NECAB1: variants seen among roughly 807,000 people sequenced by gnomAD.
NECAB1 encodes the protein N-terminal EF-hand calcium-binding protein 1.
Under a neutral mutation model 57.5 loss-of-function variants are expected in NECAB1, and 29 were observed. That is an observed-to-expected ratio of 0.50 (90% CI 0.38 to 0.69). NECAB1 has a LOEUF of 0.69. Among genes scored for constraint, NECAB1 ranks in the 30% least tolerant of loss-of-function variants. NECAB1 has a pLI of 0.00. For synonymous variants in NECAB1, 142 were observed against 147.7 expected, an observed-to-expected ratio of 0.96 and a Z score of 0.28; for missense variants, 372 against 413.8, an observed-to-expected ratio of 0.90 and a Z score of 0.88.
chr8:90,816,003 C>T (rs1563495200), intron 2 of NECAB1, among the ~76,000 whole-genome samples: 1 of 151,870 alleles, frequency 6.6e-6, no homozygotes, highest in Non-Finnish European at 1.5e-5. Context: ...TGCTTTTCTA[C>T]CAGTAATGAA....
intron 3 of NECAB1, among the ~76,000 whole-genome samples, chr8:90,857,131 A>G (rs1812808766): frequency 6.6e-6 from 1 of 152,108 alleles, no homozygotes; most frequent in East Asian, 1.9e-4. Context: ...GTGGAGGTTT[A>G]TTTAAAAAGG....
chr8:90,853,367 G>A (rs1245605504), intron 3 of NECAB1, among the ~76,000 whole-genome samples: 1 of 152,244 alleles, frequency 6.6e-6, no homozygotes, highest in Non-Finnish European at 1.5e-5. Flanking sequence ...AATGGGACAG[G>A]AAAATGTCCT....
At chr8:90,822,682 C>T (rs1812161505) in intron 2 of NECAB1, among the ~76,000 whole-genome samples, 2 of 151,692 alleles carry the variant, frequency 1.3e-5, no homozygotes, top group Non-Finnish European at 2.9e-5. Flanking sequence ...AGGGGCCCAC[C>T]CTATCCACAG....
intron 4 of NECAB1, among the ~76,000 whole-genome samples, chr8:90,875,889 A>C (rs1032324013): frequency 2.7e-5 from 4 of 149,196 alleles, no homozygotes; most frequent in Non-Finnish European, 4.4e-5. Context: ...AGGCGCCTGT[A>C]GTCCCAGCTA....
intron 4 of NECAB1, among the ~76,000 whole-genome samples, chr8:90,875,966 G>A (rs931096862): frequency 5.3e-5 from 8 of 152,026 alleles, no homozygotes; most frequent in Non-Finnish European, 2.9e-5. Flanking sequence ...GCTGAGATCA[G>A]GCCACTGCAC....
At chr8:90,872,222 T>C in intron 4 of NECAB1, 69 bp downstream of exon 4, 7 of 1,224,132 alleles carry the variant, frequency 5.7e-6, no homozygotes, top group Non-Finnish European at 8.0e-6. Flanking sequence ...TTGTCTGATA[T>C]ATATCAACCT....
At chr8:90,820,679 CTT>C (rs10543377) in intron 2 of NECAB1, among the ~76,000 whole-genome samples, 18,152 of 142,316 alleles carry the variant, frequency 0.13, 1,769 homozygotes, top group African/African-American at 0.28. Context: ...TTTAAATAGT[CTT>C]TTTTTTTTTT....
intron 5 of NECAB1, among the ~76,000 whole-genome samples, chr8:90,912,885 T>A (rs1281131690): frequency 6.6e-6 from 1 of 152,204 alleles, no homozygotes; most frequent in African/African-American, 2.4e-5. Flanking sequence ...TAAAGTTATT[T>A]TTTTTTCTGT....
At position 90,824,733 on chromosome 8, in the gene NECAB1, C is replaced by A; in HGVS notation, c.141C>A (p.Ser47=). 6.5e-7 allele frequency: 1 copy of A among 1,538,288 alleles called. No individual in the cohort carries two copies. Among genetic ancestry groups the A allele is most frequent in the Non-Finnish European group, 8.8e-7 (1 of 1,138,406 alleles). The change falls in exon 3 of 13, where the codon TCC becomes TCA. Residue 47 remains serine (S), a synonymous_variant. Transcript: ENST00000417640. ...RADKNDDGKL[S]FEEFKAYFAD... is the part of the protein sequence containing the mutation. Reference sequence around the variant, plus strand: ...CCATTTCAGATGATGGAAAATTATCCTTTGAAGAATTCAAAGCATATTTTG... The same window carrying A: ...CCATTTCAGATGATGGAAAATTATCATTTGAAGAATTCAAAGCATATTTTG...
intron 4 of NECAB1, among the ~76,000 whole-genome samples, chr8:90,880,022 CTAATA>C (rs1357087235): frequency 6.6e-6 from 1 of 152,144 alleles, no homozygotes; most frequent in Non-Finnish European, 1.5e-5. Context: ...TGTACACTAA[CTAATA>C]TATCAGTCAA....
At chr8:90,860,061 A>G (rs1812868448) in intron 3 of NECAB1, among the ~76,000 whole-genome samples, 1 of 152,062 alleles carries the variant, frequency 6.6e-6, no homozygotes, top group African/African-American at 2.4e-5. Context: ...GATAAATCTG[A>G]CTTTGAAAAT....
chr8:90,845,785 G>C (rs1288342631), intron 3 of NECAB1, among the ~76,000 whole-genome samples: 1 of 152,134 alleles, frequency 6.6e-6, no homozygotes, highest in East Asian at 1.9e-4. Context: ...CAAAATCAAA[G>C]GTCAGTAGTC....
chr8:90,818,018 C>A (rs1048310150), intron 2 of NECAB1, among the ~76,000 whole-genome samples: 1 of 151,758 alleles, frequency 6.6e-6, no homozygotes, highest in African/African-American at 2.4e-5. Context: ...TTCTCCTTGG[C>A]AGTTTTGTGT....
intron 5 of NECAB1, among the ~76,000 whole-genome samples, chr8:90,883,732 A>G (rs946886110): frequency 1.3e-5 from 2 of 152,164 alleles, no homozygotes; most frequent in African/African-American, 4.8e-5. Flanking sequence ...GGAACAAAAC[A>G]CCATAGGTCA....
chr8:90,826,062 T>C (rs1812218880), intron 3 of NECAB1, among the ~76,000 whole-genome samples: 1 of 151,814 alleles, frequency 6.6e-6, no homozygotes, highest in Non-Finnish European at 1.5e-5. Flanking sequence ...GCTCGGGGAA[T>C]ATTTACAGGA....
At chr8:90,925,699 A>G in intron 7 of NECAB1, 43 bp downstream of exon 7, 4 of 1,607,406 alleles carry the variant, frequency 2.5e-6, no homozygotes, top group Non-Finnish European at 3.4e-6. Flanking sequence ...AAGTCTATTT[A>G]TCTTGCGTTT....
intron 3 of NECAB1, among the ~76,000 whole-genome samples, chr8:90,842,251 T>A (rs1812467853): frequency 6.6e-6 from 1 of 152,188 alleles, no homozygotes; most frequent in African/African-American, 2.4e-5. Flanking sequence ...TCATAGACCA[T>A]TGGAAGCCTC....
chr8:90,851,396 A>G (rs1172131925), intron 3 of NECAB1, among the ~76,000 whole-genome samples: 3 of 152,182 alleles, frequency 2.0e-5, no homozygotes, highest in Non-Finnish European at 4.4e-5. Flanking sequence ...TGGCATCTGC[A>G]GTGGGCTAGG....
intron 10 of NECAB1, among the ~76,000 whole-genome samples, chr8:90,947,350 AC>A (rs1374137543): frequency 4.7e-5 from 7 of 148,792 alleles, no homozygotes; most frequent in African/African-American, 7.5e-5. Flanking sequence ...ACACACACAC[AC>A]AATAAGCCAA....
Sources: gnomAD v4.1 joint callset for allele counts (sites outside exome capture counted in the v4.1 genomes callset) on GRCh38, gnomAD v4.1.1 for gene constraint, MANE v1.5 for transcripts, NCBI Gene and HGNC (gene_info 2026-07-23, HGNC 2026-07-21) for gene names.